Variants in CACNB2 observed in about 807,000 individuals in gnomAD.
CACNB2 encodes the protein voltage-dependent L-type calcium channel subunit beta-2.
In CACNB2, 42 loss-of-function variants were observed where a neutral mutation model predicts 73.3. That is an observed-to-expected ratio of 0.57 (90% CI 0.45 to 0.74). CACNB2 has a LOEUF of 0.74. Ranked by LOEUF, CACNB2 falls within the 30% of genes least tolerant of loss-of-function variation. The pLI is 0.00. For synonymous variants in CACNB2, 348 were observed against 310.3 expected (o/e 1.12, Z -1.28); for missense variants, 940 against 853.0 (o/e 1.10, Z -1.27).
intron 3 of CACNB2, among the ~76,000 whole-genome samples, chr10:18,413,628 G>C (rs2044762563): frequency 1.3e-5 from 2 of 152,184 alleles, no homozygotes; most frequent in South Asian, 4.1e-4. Flanking sequence ...GGAATTATCA[G>C]AAGGGAAATA....
At chr10:18,177,463 TGCAA>T (rs796691332) in intron 2 of CACNB2, among the ~76,000 whole-genome samples, 2 of 49,954 alleles carry the variant, frequency 4.0e-5, no homozygotes, top group Admixed American at 2.3e-4. Flanking sequence ...CTATTAAAAA[TGCAA>T]AAAAAAAAAA....
rs145516439 is a variant in CACNB2 at position 18,159,759 on chromosome 10, C to T, written c.213+8784C>T. Among the ~76,000 whole-genome samples the T allele has an allele frequency of 1.3e-3, 192 of 152,296 alleles. 1 individual carries two copies. The highest frequency in any genetic ancestry group is 4.2e-3 in the African/African-American group (176 of 41,568). ...ATAATGATTACAGACTCCAGGCCTG[C>T]GTAGACTGATATGTTTAAGGTTGGA... On this transcript the variant is annotated intron_variant, in intron 2 of 13. Transcript: ENST00000324631.
chr10:18,272,661 C>G (rs1244470386), intron 2 of CACNB2, among the ~76,000 whole-genome samples: 1 of 152,032 alleles, frequency 6.6e-6, no homozygotes, highest in Admixed American at 6.6e-5. Context: ...CTTACAATAT[C>G]TGATGGTTTT....
intron 3 of CACNB2, among the ~76,000 whole-genome samples, chr10:18,488,975 T>G (rs1396285197): frequency 2.0e-5 from 3 of 151,808 alleles, no homozygotes; most frequent in Non-Finnish European, 4.4e-5. Flanking sequence ...GTCAAGAGTT[T>G]GAGACCAGCC....
chr10:18,508,390 G>A (rs2050600546), intron 6 of CACNB2, among the ~76,000 whole-genome samples: 1 of 152,150 alleles, frequency 6.6e-6, no homozygotes, highest in Non-Finnish European at 1.5e-5. Context: ...GAGGAAGGGA[G>A]GCCTATCCTG....
chr10:18,497,982 G>A (rs780698239), intron 3 of CACNB2, among the ~76,000 whole-genome samples: 5 of 152,200 alleles, frequency 3.3e-5, no homozygotes, highest in African/African-American at 7.2e-5. Context: ...GCAAGGCAGT[G>A]ACTAAGTCCT....
intron 2 of CACNB2, among the ~76,000 whole-genome samples, chr10:18,158,366 T>C (rs10828278): frequency 0.14 from 21,941 of 152,198 alleles, 1,649 homozygotes; most frequent in East Asian, 0.26. Flanking sequence ...CTCTAGGCAC[T>C]GTTATTAGAA....
At chr10:18,405,760 C>T (rs1462729311) in intron 3 of CACNB2, among the ~76,000 whole-genome samples, 4 of 151,966 alleles carry the variant, frequency 2.6e-5, no homozygotes, top group Admixed American at 1.3e-4. Flanking sequence ...GAGTTTGAGA[C>T]CAGCTTGGGC....
At chr10:18,438,231 G>A (rs1409512369) in intron 3 of CACNB2, among the ~76,000 whole-genome samples, 34 of 122,508 alleles carry the variant, frequency 2.8e-4, no homozygotes, top group African/African-American at 1.0e-3. Flanking sequence ...GGGTTTCACC[G>A]CACTAGCCAG....
Position 18,254,910 on chromosome 10 carries a change from T to C in CACNB2, c.213+103935T>C, listed in dbSNP as rs561295750. Among the ~76,000 whole-genome samples, 21 of 152,380 alleles carry C rather than the reference T, an allele frequency of 1.4e-4. 1 individual carries two copies. The South Asian group carries it at 3.1e-3, about 23-fold the overall frequency. Reference sequence around the variant, plus strand: ...ATGTATTACATTGGGTTTCATTTTCTGTTTCTGTCCTTGCACTTACCTACT... The same window carrying C: ...ATGTATTACATTGGGTTTCATTTTCCGTTTCTGTCCTTGCACTTACCTACT... On this transcript the variant is annotated intron_variant, in intron 2 of 13. Coordinates refer to ENST00000324631, the MANE Select transcript of CACNB2 (RefSeq NM_201596.3).
chr10:18,488,834 A>G (rs2049230437), intron 3 of CACNB2, among the ~76,000 whole-genome samples: 1 of 151,596 alleles, frequency 6.6e-6, no homozygotes, highest in African/African-American at 2.4e-5. Context: ...GGAGAGAGAG[A>G]GATTTTAGCA....
intron 2 of CACNB2, among the ~76,000 whole-genome samples, chr10:18,169,166 CT>C (rs1412657826): frequency 6.6e-6 from 1 of 150,376 alleles, no homozygotes; most frequent in African/African-American, 2.5e-5. Context: ...ACTGATTCTT[CT>C]TTTTTATTAT....
At chr10:18,344,564 G>A (rs2041368457) in intron 2 of CACNB2, among the ~76,000 whole-genome samples, 1 of 151,852 alleles carries the variant, frequency 6.6e-6, no homozygotes, top group Admixed American at 6.6e-5. Flanking sequence ...TAGAGACGGG[G>A]TTTCACCATG....
intron 2 of CACNB2, among the ~76,000 whole-genome samples, chr10:18,331,845 AATCAT>A (rs1391678742): frequency 6.6e-6 from 1 of 152,190 alleles, no homozygotes; most frequent in African/African-American, 2.4e-5. Flanking sequence ...TTGTGGGCCA[AATCAT>A]ATCACTCTAA....
chr10:18,414,359 C>G (rs567853454), intron 3 of CACNB2, among the ~76,000 whole-genome samples: 1 of 152,054 alleles, frequency 6.6e-6, no homozygotes, highest in Non-Finnish European at 1.5e-5. Flanking sequence ...ACATTGCTCT[C>G]TGTTTATTTA....
intron 2 of CACNB2, among the ~76,000 whole-genome samples, chr10:18,369,696 C>T (rs962127494): frequency 1.3e-5 from 2 of 152,112 alleles, no homozygotes; most frequent in Non-Finnish European, 2.9e-5. Flanking sequence ...CACCTGAGAT[C>T]AGGAGTTCAA....
chr10:18,324,446 G>A (rs2040506237), intron 2 of CACNB2, among the ~76,000 whole-genome samples: 1 of 152,218 alleles, frequency 6.6e-6, no homozygotes, highest in Admixed American at 6.5e-5. Context: ...ATGAATGGAT[G>A]ATATTGGTAA....
intron 2 of CACNB2, among the ~76,000 whole-genome samples, chr10:18,187,686 T>G (rs1254923872): frequency 2.0e-5 from 3 of 152,216 alleles, no homozygotes; most frequent in African/African-American, 7.2e-5. Context: ...GAATGCTTTT[T>G]AATCTAATAA....
At chr10:18,272,451 A>T (rs892318285) in intron 2 of CACNB2, among the ~76,000 whole-genome samples, 2 of 152,142 alleles carry the variant, frequency 1.3e-5, no homozygotes, top group Non-Finnish European at 2.9e-5. Flanking sequence ...ACATACTAGA[A>T]ATCACCTCTT....
Sources: allele counts gnomAD v4.1 joint callset (sites outside exome capture counted in the v4.1 genomes callset), GRCh38; gene constraint gnomAD v4.1.1; transcripts MANE v1.5; gene names NCBI Gene and HGNC (gene_info 2026-07-23, HGNC 2026-07-21).